CDH13: variants seen among roughly 807,000 people sequenced by gnomAD.
The protein encoded by CDH13 is cadherin-13.
CDH13 carries 24 observed loss-of-function variants against 63.8 expected under a neutral mutation model. The observed-to-expected ratio is 0.38, with a 90% CI of 0.27 to 0.53. The LOEUF (loss-of-function observed/expected upper bound fraction) is 0.53, where lower values mean the gene tolerates loss of function less well. Among genes scored for constraint, CDH13 ranks in the 20% least tolerant of loss-of-function variants. CDH13 has a pLI of 0.85. For missense variants in CDH13, 1,049 were observed against 903.1 expected, an observed-to-expected ratio of 1.16 and a Z score of -2.07; for synonymous variants, 503 against 355.3, an observed-to-expected ratio of 1.42 and a Z score of -4.67.
At position 83,057,200 on chromosome 16, in the gene CDH13, C is replaced by T. The variant is rs150318789; in HGVS notation, c.366+24982C>T. 5.7e-3 allele frequency among the ~76,000 whole-genome samples: 863 copies of T among 152,206 alleles called. 3 individuals carry two copies. Among genetic ancestry groups the T allele is most frequent in the Non-Finnish European group, 9.2e-3 (628 of 68,012 alleles). ...CAGGATGGTCTTGATCTCCTGACCT[C>T]GTGATCCACCTGCCTGGGCCTCCCA... On this transcript the variant is annotated intron_variant, in intron 3 of 13. Coordinates refer to ENST00000567109, the MANE Select transcript of CDH13 (RefSeq NM_001257.5).
At chr16:83,544,311 C>G (rs565934442) in intron 7 of CDH13, among the ~76,000 whole-genome samples, 2 of 151,838 alleles carry the variant, frequency 1.3e-5, no homozygotes, top group Admixed American at 1.3e-4. Flanking sequence ...CCTGTGTAGT[C>G]TGGGTTTACA....
At chr16:82,833,672 C>G (rs1413876706) in intron 1 of CDH13, among the ~76,000 whole-genome samples, 1 of 152,202 alleles carries the variant, frequency 6.6e-6, no homozygotes. Flanking sequence ...TAATGTCAAC[C>G]TAGTGACTTC....
intron 1 of CDH13, among the ~76,000 whole-genome samples, chr16:82,816,418 G>A (rs1420543324): frequency 6.6e-6 from 1 of 152,152 alleles, no homozygotes; most frequent in Admixed American, 6.5e-5. Flanking sequence ...TAAAATGTGT[G>A]CTGGTTTTGT....
intron 7 of CDH13, among the ~76,000 whole-genome samples, chr16:83,509,353 T>C (rs2074500819): frequency 6.6e-6 from 1 of 152,248 alleles, no homozygotes; most frequent in African/African-American, 2.4e-5. Context: ...TTTTGAGCAC[T>C]GATCTGCAGA....
Position 83,678,369 on chromosome 16 carries a change from G to T in CDH13, c.1446G>T (p.Met482Ile). The part of the protein sequence containing the change: ...NEGPVFYPDP[M>I]MVTRQEDLSV... ...GCCCAGTCTTCTACCCAGACCCCATGATGGTGACCAGGCAGGAGGACCTCT... is the reference window on the plus strand; with the variant it reads ...GCCCAGTCTTCTACCCAGACCCCATTATGGTGACCAGGCAGGAGGACCTCT... Residue 482 changes from methionine (M) to isoleucine (I), a missense_variant, in exon 10 of 14, where the codon ATG becomes ATT. Met to Ile is a conservative substitution (Grantham distance 10, BLOSUM62 1). Transcript: ENST00000567109. The T allele has an allele frequency of 6.2e-7, 1 of 1,613,976 alleles. No individual in the cohort carries two copies. Among genetic ancestry groups the T allele is most frequent in the Non-Finnish European group, 8.5e-7 (1 of 1,179,886 alleles).
chr16:83,117,492 T>A (rs556873071), intron 3 of CDH13, among the ~76,000 whole-genome samples: 2 of 152,142 alleles, frequency 1.3e-5, no homozygotes, highest in African/African-American at 4.8e-5. Flanking sequence ...TCCCTGCTGA[T>A]CTTTTTTCTC....
intron 6 of CDH13, among the ~76,000 whole-genome samples, chr16:83,368,824 C>T (rs538525983): frequency 3.6e-4 from 47 of 131,392 alleles, no homozygotes; most frequent in African/African-American, 1.2e-3. Flanking sequence ...CAATTCCATC[C>T]AAGTTTCTGT....
intron 1 of CDH13, among the ~76,000 whole-genome samples, chr16:82,693,357 G>C (rs1295602580): frequency 6.6e-6 from 1 of 152,172 alleles, no homozygotes; most frequent in South Asian, 2.1e-4. Flanking sequence ...TATCATCAAA[G>C]GACCTGCTAG....
At chr16:82,980,611 A>G (rs1162972981) in intron 2 of CDH13, among the ~76,000 whole-genome samples, 1 of 152,242 alleles carries the variant, frequency 6.6e-6, no homozygotes, top group Non-Finnish European at 1.5e-5. Flanking sequence ...CCTCCCAACA[A>G]TCTAGGAAGA....
At chr16:82,897,180 G>T (rs1300429504) in intron 2 of CDH13, among the ~76,000 whole-genome samples, 1 of 152,096 alleles carries the variant, frequency 6.6e-6, no homozygotes, top group Non-Finnish European at 1.5e-5. Context: ...GAGTGGGTTT[G>T]CCTTAGCATA....
rs367812199 is a variant in CDH13, at chr16:83,460,982, A to AACACACACACACAC, written c.782-25483_782-25482insACACACACACACAC. Among the ~76,000 whole-genome samples, 202 of 134,338 alleles carry AACACACACACACAC rather than the reference A, an allele frequency of 1.5e-3. 2 individuals are homozygous for AACACACACACACAC. Among genetic ancestry groups the AACACACACACACAC allele is most frequent in the African/African-American group, 2.6e-3 (93 of 35,662 alleles). The allele number at this position is 134,338 out of a possible 152,430, so 88.1% of individuals were successfully genotyped here. On this transcript the variant is annotated intron_variant, in intron 6 of 13. Transcript: ENST00000567109. ...GTGACAGAATTAGACCTTGTCTCAA[A>AACACACACACACAC]ACACACACACACGCACACACACACA...
intron 7 of CDH13, among the ~76,000 whole-genome samples, chr16:83,589,413 TC>T (rs144403872): frequency 0.024 from 3,478 of 146,538 alleles, 49 homozygotes; most frequent in Middle Eastern, 0.041. Context: ...ACCCATCTAC[TC>T]CCGCTGACAC....
At chr16:82,995,211 G>C (rs1318746029) in intron 2 of CDH13, among the ~76,000 whole-genome samples, 2 of 152,080 alleles carry the variant, frequency 1.3e-5, no homozygotes, top group Non-Finnish European at 2.9e-5. Flanking sequence ...ACTCAACTGT[G>C]GCCAGAACTC....
At position 83,216,427 on chromosome 16, in the gene CDH13, T is replaced by TATATATATATATATATAAATAA; in HGVS notation, c.484-901_484-900insAATAAATATATATATATATATA. Among the ~76,000 whole-genome samples, 2 of 45,070 alleles carry TATATATATATATATATAAATAA rather than the reference T, an allele frequency of 4.4e-5. 1 individual carries two copies. Among genetic ancestry groups the TATATATATATATATATAAATAA allele is most frequent in the South Asian group, 2.1e-3 (2 of 944 alleles). The allele number at this position is 45,070 out of a possible 152,430, so 29.6% of individuals were successfully genotyped here. A position where few individuals can be genotyped will look rare whatever the true frequency, so the allele number is the denominator to read the frequency against. On this transcript the variant is annotated intron_variant, in intron 4 of 13. Coordinates refer to ENST00000567109, the MANE Select transcript of CDH13 (RefSeq NM_001257.5). ...ATATATATATATATATATATATATATATATATATATATATATACACAACCC... is the reference window on the plus strand; with the variant it reads ...ATATATATATATATATATATATATATATATATATATATATATAAATAAATATATATATATATATACACAACCC...
At chr16:83,115,774 G>C (rs927493037) in intron 3 of CDH13, among the ~76,000 whole-genome samples, 6 of 152,334 alleles carry the variant, frequency 3.9e-5, no homozygotes, top group Middle Eastern at 3.4e-3. Flanking sequence ...GAAAGTAGGA[G>C]AGGGAACAAA....
rs1904310953 is a variant in CDH13 at position 83,800,211 on chromosome 16, C to T, written c.*5181C>T. The T allele has an allele frequency of 6.6e-6, 1 of 152,058 alleles. No individual in the cohort carries two copies. Among genetic ancestry groups the T allele is most frequent in the African/African-American group, 2.4e-5 (1 of 41,404 alleles). 9.4% of individuals were successfully genotyped at this position (152,058 alleles called of 1,614,324 possible). Reference sequence around the variant, plus strand: ...AGCTATGAAGATTTGGAGAAAGGGGCTTATAGAAGCACTATGAAAATAAAC... The same window carrying T: ...AGCTATGAAGATTTGGAGAAAGGGGTTTATAGAAGCACTATGAAAATAAAC... On this transcript the variant is annotated 3_prime_UTR_variant, in exon 14 of 14. Transcript: ENST00000567109.
chr16:82,770,141 C>T (rs1597517278), intron 1 of CDH13, among the ~76,000 whole-genome samples: 1 of 152,198 alleles, frequency 6.6e-6, no homozygotes, highest in Non-Finnish European at 1.5e-5. Flanking sequence ...CTGGTAACTG[C>T]CACAGAACCT....
At chr16:83,627,922 G>A (rs1910460498) in intron 8 of CDH13, among the ~76,000 whole-genome samples, 1 of 152,180 alleles carries the variant, frequency 6.6e-6, no homozygotes, top group African/African-American at 2.4e-5. Context: ...GACTTTTCCA[G>A]GAAATGGATG....
chr16:83,230,996 T>G (rs1393314893), intron 5 of CDH13, among the ~76,000 whole-genome samples: 2 of 152,260 alleles, frequency 1.3e-5, no homozygotes, highest in East Asian at 3.9e-4. Context: ...TTGCTCCCTT[T>G]GTCCACATGC....
Sources: gnomAD v4.1 joint callset for allele counts (sites outside exome capture counted in the v4.1 genomes callset) on GRCh38, gnomAD v4.1.1 for gene constraint, MANE v1.5 for transcripts, NCBI Gene and HGNC (gene_info 2026-07-23, HGNC 2026-07-21) for gene names.